ABCG1: variants seen among roughly 807,000 people sequenced by gnomAD.
The protein encoded by ABCG1 is ATP binding cassette subfamily G member 1.
ABCG1 carries 29 observed loss-of-function variants against 69.2 expected under a neutral mutation model. That is an observed-to-expected ratio of 0.42 (90% confidence interval 0.31 to 0.57). The LOEUF is 0.57. Ranked by LOEUF, ABCG1 falls within the 20% of genes least tolerant of loss-of-function variation. The pLI, the probability that ABCG1 is intolerant of heterozygous loss-of-function variation, is 0.15. For synonymous variants in ABCG1, 370 were observed against 374.8 expected (o/e 0.99, Z 0.15); for missense variants, 718 against 898.1 (o/e 0.80, Z 2.56).
At position 42,284,647 on chromosome 21, in the gene ABCG1, C is replaced by T. The variant is rs769719710; in HGVS notation, c.822C>T (p.His274=). ...GTCGCTCCATCATTTGCACCATCCA[C>T]CAGCCCAGCGCCAAACTCTTCGAGC... ...QGGRSIICTI[H]QPSAKLFELF... is the part of the protein sequence containing the mutation. Residue 274 remains histidine, a synonymous_variant, in exon 7 of 15, where the codon CAC becomes CAT. Transcript: ENST00000398449. 3 of 1,613,810 alleles carry T rather than the reference C, an allele frequency of 1.9e-6. No individual in the cohort carries two copies. The highest frequency in any genetic ancestry group is 2.5e-6 in the Non-Finnish European group (3 of 1,180,044).
intron 5 of ABCG1, among the ~76,000 whole-genome samples, chr21:42,279,449 T>C (rs1569233788): frequency 6.6e-6 from 1 of 152,134 alleles, no homozygotes; most frequent in Non-Finnish European, 1.5e-5. Flanking sequence ...GGGGGAGCCC[T>C]CCATCCTGGC....
intron 2 of ABCG1, chr21:42,259,886 G>A (rs549203427): frequency 3.1e-5 from 45 of 1,446,816 alleles, no homozygotes; most frequent in Non-Finnish European, 3.7e-5. Context: ...GGAGCACAGC[G>A]GGAGAAAGAA....
rs753281316 is a variant in ABCG1, at chr21:42,225,728, G to C, written c.100G>C (p.Asp34His). 1.2e-6 allele frequency: 2 copies of C among 1,613,804 alleles called. No individual in the cohort carries two copies. The highest frequency in any genetic ancestry group is 1.7e-6 in the Non-Finnish European group (2 of 1,179,958). ...TEPKSVCVSV[D>H]EVVSSNMEAT... is the part of the protein sequence containing the mutation. ...GCCCAAGTCGGTGTGTGTCTCGGTG[G>C]ATGAGGTGGTGTCCAGCAACATGGA... The change falls in exon 2 of 15, where the codon GAT (aspartate) becomes CAT (histidine). Residue 34 changes from aspartate (D) to histidine (H), a missense_variant. Physicochemically the swap from Asp to His is moderately conservative, Grantham distance 81. This residue lies in a region of ABCG1 where 514 missense variants were observed against 574.3 expected (regional missense o/e 0.90). Coordinates refer to ENST00000398449, the MANE Select transcript of ABCG1 (RefSeq NM_016818.3).
rs772819987 is a variant in ABCG1, at chr21:42,288,252, C to T, written c.1164C>T (p.Ser388=). ...SMEGCHSFSA[S]CLTQFCILFK... is the part of the protein sequence containing the mutation. Reference sequence around the variant, plus strand: ...AAGGCTGCCACAGCTTCTCTGCCAGCTGCCTCACGCAGTTCTGCATCCTCT... The same window carrying T: ...AAGGCTGCCACAGCTTCTCTGCCAGTTGCCTCACGCAGTTCTGCATCCTCT... The change falls in exon 10 of 15, where the codon AGC becomes AGT. Residue 388 remains serine (S), a synonymous_variant. Coordinates refer to ENST00000398449, the MANE Select transcript of ABCG1 (RefSeq NM_016818.3). This position sits in a 1 kb window ranked among gnomAD's most constrained non-coding sequence, Gnocchi z 4.8. 3 of 1,614,232 alleles carry T rather than the reference C, an allele frequency of 1.9e-6. No homozygotes were observed. Among genetic ancestry groups the T allele is most frequent in the Admixed American group, 1.7e-5 (1 of 60,034 alleles).
At chr21:42,214,238 A>C (rs2067616569), upstream of ABCG1, among the ~76,000 whole-genome samples, 1 of 152,214 alleles carries the variant, frequency 6.6e-6, no homozygotes, top group African/African-American at 2.4e-5. Context: ...GAGCTCTCAT[A>C]AGACAGGTTG....
chr21:42,267,811 GTGGTCTGGGTTCTGTCTGGGTC>G (rs1392595600), intron 2 of ABCG1, among the ~76,000 whole-genome samples: 4 of 136,680 alleles, frequency 2.9e-5, no homozygotes, highest in East Asian at 2.2e-4. Context: ...CTGTCTGGGT[GTGGTCTGGGTTCTGTCTGGGTC>G]TGGTCTGGGT....
chr21:42,230,979 G>A (rs914634957), intron 2 of ABCG1, among the ~76,000 whole-genome samples: 1 of 152,234 alleles, frequency 6.6e-6, no homozygotes, highest in African/African-American at 2.4e-5. Context: ...TCTGACGTGG[G>A]CACAGGACTG....
Position 42,294,623 on chromosome 21 carries a change from A to G in ABCG1, c.1735A>G (p.Thr579Ala). The G allele has an allele frequency of 6.2e-7, 1 of 1,613,968 alleles. No individual in the cohort carries two copies. Among genetic ancestry groups the G allele is most frequent in the Non-Finnish European group, 8.5e-7 (1 of 1,179,924 alleles). ...CTTCGTCAGCTTCGACACCATCCCC[A>G]CGTACCTACAGTGGATGTCCTACAT... ...GFFVSFDTIP[T>A]YLQWMSYISY... Residue 579 changes from threonine to alanine, a missense_variant, in exon 14 of 15, where the codon ACG (threonine) becomes GCG (alanine). Thr to Ala is a moderately conservative substitution (Grantham distance 58). Around this residue, in one of 2 missense-constraint regions of ABCG1, gnomAD observed 204 missense variants for 323.8 expected, o/e 0.63. Transcript: ENST00000398449.
In ABCG1 at chr21:42,261,269, G is replaced by C. The variant is rs375218635; in HGVS notation, c.287-9801G>C. Among the ~76,000 whole-genome samples the C allele has an allele frequency of 1.9e-4, 29 of 150,630 alleles. No homozygotes were observed. The East Asian group carries it at 2.4e-3, about 12-fold the overall frequency. ...CCTGCTGGCTGCAAGTTTACTAAACGGAGGCATTTGTGAGGGGATTTCAGA... is the reference window on the plus strand; with the variant it reads ...CCTGCTGGCTGCAAGTTTACTAAACCGAGGCATTTGTGAGGGGATTTCAGA... On this transcript the variant is annotated intron_variant, in intron 2 of 14. Transcript: ENST00000398449.
chr21:42,214,336 G>T (rs1323347623), upstream of ABCG1, among the ~76,000 whole-genome samples: 1 of 152,190 alleles, frequency 6.6e-6, no homozygotes, highest in African/African-American at 2.4e-5. Flanking sequence ...CAGAGATGCT[G>T]GAGTTTGACC....
intron 2 of ABCG1, among the ~76,000 whole-genome samples, chr21:42,265,479 G>C (rs901791871): frequency 3.4e-4 from 52 of 152,194 alleles, no homozygotes; most frequent in African/African-American, 1.2e-3. Context: ...AGATACACAG[G>C]GGAGAGGCCC....
chr21:42,294,624 C>G lies in ABCG1; in HGVS notation c.1736C>G (p.Thr579Arg). The part of the protein sequence containing the change: ...GFFVSFDTIP[T>R]YLQWMSYISY... ...TTCGTCAGCTTCGACACCATCCCCA[C>G]GTACCTACAGTGGATGTCCTACATC... is the stretch of plus-strand genomic sequence containing the variant. The change falls in exon 14 of 15, where the codon ACG (threonine) becomes AGG (arginine). Residue 579 changes from threonine (T) to arginine (R), a missense_variant. This residue lies in a region of ABCG1 where 204 missense variants were observed against 323.8 expected (regional missense o/e 0.63). Coordinates refer to ENST00000398449, the MANE Select transcript of ABCG1 (RefSeq NM_016818.3). 6.2e-7 allele frequency: 1 copy of G among 1,614,224 alleles called. No individual in the cohort carries two copies. The highest frequency in any genetic ancestry group is 8.5e-7 in the Non-Finnish European group (1 of 1,180,022).
chr21:42,286,912 G>C (rs1340202747), intron 8 of ABCG1, among the ~76,000 whole-genome samples: 2 of 152,208 alleles, frequency 1.3e-5, no homozygotes, highest in African/African-American at 4.8e-5. Flanking sequence ...TGGAAACATT[G>C]CCTGGCAGTG....
chr21:42,259,296 TG>T (rs1446408950), intron 2 of ABCG1: 1 of 1,531,760 alleles, frequency 6.5e-7, no homozygotes, highest in East Asian at 2.5e-5. Context: ...AGTTTGTAAG[TG>T]AAGTTTTGTT....
intron 5 of ABCG1, among the ~76,000 whole-genome samples, chr21:42,280,226 C>T (rs989971846): frequency 6.6e-6 from 1 of 152,266 alleles, no homozygotes; most frequent in East Asian, 1.9e-4. Flanking sequence ...AACTTTGTGC[C>T]TTCACTCACT....
chr21:42,207,707 A>G (rs1445709585), intron 2 of ABCG1, among the ~76,000 whole-genome samples: 1 of 152,204 alleles, frequency 6.6e-6, no homozygotes, highest in Non-Finnish European at 1.5e-5. Flanking sequence ...TTGACACCCA[A>G]AAGAGGGGCT....
intron 2 of ABCG1, chr21:42,206,933 C>T (rs1601328926): frequency 7.0e-6 from 1 of 143,342 alleles, no homozygotes; most frequent in African/African-American, 2.6e-5. Flanking sequence ...CTGTCTTCTT[C>T]TATTGTTTTC....
At chr21:42,283,214 G>T (rs79592672) in intron 6 of ABCG1, among the ~76,000 whole-genome samples, 11,698 of 152,278 alleles carry the variant, frequency 0.077, 476 homozygotes, top group Admixed American at 0.11. Flanking sequence ...GCCTTCTGAG[G>T]GGGGGATGGC....
chr21:42,255,961 G>A, intron 2 of ABCG1: 1 of 295,512 alleles, frequency 3.4e-6, no homozygotes, highest in Non-Finnish European at 6.1e-6. Context: ...TTGTTTTCTA[G>A]GACATCTCTT....
Sources: gnomAD v4.1 joint callset for allele counts (sites outside exome capture counted in the v4.1 genomes callset) on GRCh38, gnomAD v4.1.1 for gene constraint, gnomAD v4.1.1 regional missense constraint, Gnocchi (gnomAD v3.1) non-coding constraint, MANE v1.5 for transcripts, NCBI Gene and HGNC (gene_info 2026-07-23, HGNC 2026-07-21) for gene names.